LRRFIP2: variants seen among roughly 807,000 people sequenced by gnomAD.
The protein encoded by LRRFIP2 is LRR binding FLII interacting protein 2.
LRRFIP2 carries 109 observed loss-of-function variants against 125.9 expected under a neutral mutation model. The observed-to-expected ratio is 0.87, with a 90% CI of 0.74 to 1.01. The LOEUF is 1.01. Among genes scored for constraint, LRRFIP2 ranks in the 50% least tolerant of loss-of-function variants. The pLI, the probability that LRRFIP2 is intolerant of heterozygous loss-of-function variation, is 0.00. For synonymous variants in LRRFIP2, 291 were observed against 293.1 expected (o/e 0.99, Z 0.07); for missense variants, 850 against 862.3 (o/e 0.99, Z 0.18).
At chr3:37,144,465 G>A (rs1386015719) in intron 2 of LRRFIP2, among the ~76,000 whole-genome samples, 1 of 152,134 alleles carries the variant, frequency 6.6e-6, no homozygotes, top group East Asian at 1.9e-4. Context: ...AAACAAGCCA[G>A]GCATGGTAGT....
intron 18 of LRRFIP2, among the ~76,000 whole-genome samples, chr3:37,089,769 C>T (rs1245022058): frequency 1.3e-5 from 2 of 151,576 alleles, no homozygotes; most frequent in Admixed American, 6.6e-5. Flanking sequence ...TACACTGTTA[C>T]ACATGTGACT....
At chr3:37,134,159 G>A (rs2095498801) in intron 2 of LRRFIP2, among the ~76,000 whole-genome samples, 1 of 148,954 alleles carries the variant, frequency 6.7e-6, no homozygotes, top group African/African-American at 2.5e-5. Flanking sequence ...TCTAGCCTGG[G>A]CAGCAGAGCA....
intron 1 of LRRFIP2, among the ~76,000 whole-genome samples, chr3:37,171,704 T>A (rs1296965471): frequency 1.3e-5 from 2 of 152,212 alleles, no homozygotes; most frequent in Non-Finnish European, 2.9e-5. Context: ...TAGATTAGGA[T>A]GTGGAAGGTA....
In LRRFIP2 at chr3:37,129,119, C is replaced by A. The variant is rs373331920; in HGVS notation, c.121G>T (p.Ala41Ser). The change falls in exon 3 of 28, where the codon GCC becomes TCC. Residue 41 changes from alanine to serine, a missense_variant. Physicochemically the swap from Ala to Ser is moderately conservative, Grantham distance 99. Coordinates refer to ENST00000336686, the MANE Select transcript of LRRFIP2 (RefSeq NM_006309.4). ...AEARLAAKRA[A>S]RAEARDIRMR... is the part of the protein sequence containing the mutation. ...CGTATATCTCTTGCTTCTGCCCGGGCAGCCCGTTTTGCTGCCAGCCTTGCC... is the reference window on the plus strand; with the variant it reads ...CGTATATCTCTTGCTTCTGCCCGGGAAGCCCGTTTTGCTGCCAGCCTTGCC... 1 of 1,614,056 alleles carries A rather than the reference C, an allele frequency of 6.2e-7. No homozygotes were observed. Among genetic ancestry groups the A allele is most frequent in the Non-Finnish European group, 8.5e-7 (1 of 1,180,020 alleles).
intron 21 of LRRFIP2, among the ~76,000 whole-genome samples, chr3:37,072,314 A>C (rs2091338739): frequency 6.6e-6 from 1 of 152,054 alleles, no homozygotes; most frequent in African/African-American, 2.4e-5. Flanking sequence ...CAGCCTGGCT[A>C]ACATGGTGAA....
At chr3:37,063,715 A>C in intron 24 of LRRFIP2, 27 bp downstream of exon 24, 1 of 1,570,148 alleles carries the variant, frequency 6.4e-7, no homozygotes, top group Non-Finnish European at 8.8e-7. Context: ...TTAAAATTAT[A>C]TTACACTCCA....
At chr3:37,141,463 T>C (rs938947119) in intron 2 of LRRFIP2, among the ~76,000 whole-genome samples, 15 of 152,212 alleles carry the variant, frequency 9.9e-5, no homozygotes, top group Non-Finnish European at 1.6e-4. Context: ...CCGGTGTCTA[T>C]AGAGCTCTTA....
At chr3:37,135,745 T>A (rs947933356) in intron 2 of LRRFIP2, among the ~76,000 whole-genome samples, 1 of 151,716 alleles carries the variant, frequency 6.6e-6, no homozygotes, top group Non-Finnish European at 1.5e-5. Flanking sequence ...ATTGAGATAC[T>A]TGATATCCAC....
intron 14 of LRRFIP2, among the ~76,000 whole-genome samples, chr3:37,104,527 C>T (rs534179519): frequency 9.9e-4 from 150 of 152,234 alleles, no homozygotes; most frequent in African/African-American, 3.3e-3. Context: ...TATGAAAACT[C>T]GGGTTTATAA....
chr3:37,171,602 C>T (rs1342922602), intron 1 of LRRFIP2, among the ~76,000 whole-genome samples: 3 of 152,212 alleles, frequency 2.0e-5, no homozygotes, highest in Non-Finnish European at 4.4e-5. Flanking sequence ...GTACCTCCTT[C>T]CTGCCTTGAG....
At position 37,060,709 on chromosome 3, in the gene LRRFIP2, C is replaced by A. The variant is rs952550237; in HGVS notation, c.1750-1799G>T. Among the ~76,000 whole-genome samples the A allele has an allele frequency of 2.0e-5, 3 of 152,020 alleles. No homozygotes were observed. The highest frequency in any genetic ancestry group is 7.2e-5 in the African/African-American group (3 of 41,380). On this transcript the variant is annotated intron_variant, in intron 24 of 27. Transcript: ENST00000336686. This position sits in a 1 kb window ranked among gnomAD's most constrained non-coding sequence, Gnocchi z 4.1. ...TTTTCCCTCCATCTTCCCTAAAAGT[C>A]CCAGGTCTTAATCTCGTCTCTTCAA... is the stretch of plus-strand genomic sequence containing the variant.
chr3:37,147,886 T>A (rs1026870409), intron 2 of LRRFIP2, among the ~76,000 whole-genome samples: 2 of 152,180 alleles, frequency 1.3e-5, no homozygotes, highest in African/African-American at 4.8e-5. Flanking sequence ...AGCGATTCAA[T>A]AGGTGACGCC....
chr3:37,126,897 T>G (rs1489691879), intron 4 of LRRFIP2, among the ~76,000 whole-genome samples: 1 of 151,248 alleles, frequency 6.6e-6, no homozygotes, highest in African/African-American at 2.4e-5. Context: ...AGAAAGTTGC[T>G]TGTTTAGCAG....
chr3:37,156,053 T>C (rs373502238), intron 1 of LRRFIP2, among the ~76,000 whole-genome samples: 1 of 152,104 alleles, frequency 6.6e-6, no homozygotes, highest in South Asian at 2.1e-4. Context: ...TTTTGTATTT[T>C]TGGTAGACAC....
intron 1 of LRRFIP2, among the ~76,000 whole-genome samples, chr3:37,155,291 T>A (rs1236695832): frequency 6.6e-6 from 1 of 152,238 alleles, no homozygotes. Context: ...CTATTTTGCA[T>A]ATTTAGCTTG....
rs141617572 is a variant in LRRFIP2, at chr3:37,080,794, A to C, written c.1278+2842T>G. ...AAAAAACATGAAAGAGGACCTATAC[A>C]TGAAAAGAGACTTAAAAGATTTATC... On this transcript the variant is annotated intron_variant, in intron 19 of 27. Coordinates refer to ENST00000336686, the MANE Select transcript of LRRFIP2 (RefSeq NM_006309.4). Among the ~76,000 whole-genome samples, 520 of 152,324 alleles carry C rather than the reference A, an allele frequency of 3.4e-3. 3 individuals carry two copies. The highest frequency in any genetic ancestry group is 0.031 in the Middle Eastern group (9 of 294).
At chr3:37,093,524 T>C (rs2093575713) in intron 17 of LRRFIP2, among the ~76,000 whole-genome samples, 1 of 152,216 alleles carries the variant, frequency 6.6e-6, no homozygotes, top group African/African-American at 2.4e-5. Context: ...GTCTCTCGTA[T>C]TCACTCCAGA....
At chr3:37,101,254 G>A (rs997616975) in intron 15 of LRRFIP2, among the ~76,000 whole-genome samples, 2 of 152,036 alleles carry the variant, frequency 1.3e-5, no homozygotes, top group Non-Finnish European at 2.9e-5. Flanking sequence ...CTACTCGGGA[G>A]GCTGAGGCAG....
chr3:37,126,893 T>G (rs1179932650), intron 4 of LRRFIP2, among the ~76,000 whole-genome samples: 1 of 146,456 alleles, frequency 6.8e-6, no homozygotes, highest in Non-Finnish European at 1.5e-5. Flanking sequence ...AGAAAGAAAG[T>G]TGCTTGTTTA....
Sources: gnomAD v4.1 joint callset for allele counts (sites outside exome capture counted in the v4.1 genomes callset) on GRCh38, gnomAD v4.1.1 for gene constraint, Gnocchi (gnomAD v3.1) non-coding constraint, MANE v1.5 for transcripts, NCBI Gene and HGNC (gene_info 2026-07-23, HGNC 2026-07-21) for gene names.